Variants in MORC1 observed in about 807,000 individuals in gnomAD.
MORC1 encodes the protein MORC family CW-type zinc finger 1, also known as MORC family CW-type zinc finger protein 1.
A neutral mutation model predicts 134.9 loss-of-function variants in MORC1; 59 were observed. That is an observed-to-expected ratio of 0.44 (90% CI 0.35 to 0.54). The LOEUF (loss-of-function observed/expected upper bound fraction) is 0.54, where lower values mean the gene tolerates loss of function less well. MORC1 is among the 20% of genes least tolerant of loss of function. MORC1 has a pLI of 0.00. For synonymous variants in MORC1, 395 were observed against 391.7 expected, an observed-to-expected ratio of 1.01 and a Z score of -0.10; for missense variants, 947 against 1,134.5, an observed-to-expected ratio of 0.83 and a Z score of 2.37.
intron 17 of MORC1, among the ~76,000 whole-genome samples, 167 bp from the exon 18 acceptor site, chr3:109,007,258 GT>G (rs1242924747): frequency 1.3e-5 from 2 of 152,198 alleles, no homozygotes; most frequent in African/African-American, 2.4e-5. Context: ...CTGTAGTAAT[GT>G]TCTGATTAGT....
intron 6 of MORC1, among the ~76,000 whole-genome samples, chr3:109,095,900 T>C (rs894777755): frequency 6.6e-6 from 1 of 152,006 alleles, no homozygotes; most frequent in African/African-American, 2.4e-5. Context: ...CCACTCACAG[T>C]CTCAGAGCTT....
intron 21 of MORC1, among the ~76,000 whole-genome samples, chr3:108,998,269 C>T (rs949016068): frequency 2.6e-5 from 4 of 152,188 alleles, no homozygotes; most frequent in African/African-American, 9.7e-5. Flanking sequence ...AATGACTGAA[C>T]TGATGTTATG....
intron 10 of MORC1, among the ~76,000 whole-genome samples, chr3:109,062,409 G>A (rs1432283253): frequency 6.6e-6 from 1 of 151,342 alleles, no homozygotes; most frequent in Admixed American, 6.6e-5. Flanking sequence ...GAGTGAATAT[G>A]TAGAACATCC....
intron 17 of MORC1, among the ~76,000 whole-genome samples, chr3:109,024,487 C>A (rs1391298020): frequency 1.3e-5 from 2 of 152,048 alleles, no homozygotes; most frequent in African/African-American, 4.8e-5. Flanking sequence ...CATTAGATAC[C>A]CATAGAACCT....
intron 3 of MORC1, among the ~76,000 whole-genome samples, chr3:109,108,923 CAT>C (rs1400320626): frequency 6.6e-6 from 1 of 150,546 alleles, no homozygotes; most frequent in African/African-American, 2.4e-5. Flanking sequence ...AAAAAGACCA[CAT>C]GTCTACTTAG....
intron 8 of MORC1, among the ~76,000 whole-genome samples, chr3:109,091,723 C>T (rs918677287): frequency 1.3e-5 from 2 of 152,000 alleles, no homozygotes; most frequent in Non-Finnish European, 2.9e-5. Flanking sequence ...AGTGATTCCT[C>T]CTTATAAAAT....
intron 8 of MORC1, among the ~76,000 whole-genome samples, chr3:109,087,579 CACAA>C (rs1193613604): frequency 6.6e-6 from 1 of 151,932 alleles, no homozygotes; most frequent in Non-Finnish European, 1.5e-5. Flanking sequence ...TCAGAGAAGA[CACAA>C]ACAAATGGAA....
intron 16 of MORC1, among the ~76,000 whole-genome samples, chr3:109,029,175 G>GA (rs1428899893): frequency 6.6e-6 from 1 of 152,144 alleles, no homozygotes; most frequent in East Asian, 1.9e-4. Flanking sequence ...GTACTACTGT[G>GA]AAAAAACACT....
chr3:109,118,033 C>A lies in MORC1; in HGVS notation c.27G>T (p.Gln9His). Residue 9 changes from glutamine (Q) to histidine (H), a missense_variant, in exon 1 of 28, where the codon CAG (glutamine) becomes CAT (histidine). By Grantham distance (24) the Gln-to-His change is conservative (BLOSUM62 0). This residue lies in a region of MORC1 where 214 missense variants were observed against 281.3 expected (regional missense o/e 0.76). Coordinates refer to ENST00000232603, the MANE Select transcript of MORC1 (RefSeq NM_014429.4). ...TGAAATCCAGACGCAGCTGGGCCCG[C>A]TGAAGCGCAGGGTACCTGTCGTCCA... The part of the protein sequence containing the change: MDDRYPAL[Q>H]RAQLRLDFIH... 1.2e-6 allele frequency: 2 copies of A among 1,609,900 alleles called. No homozygotes were observed. Among genetic ancestry groups the A allele is most frequent in the Non-Finnish European group, 1.7e-6 (2 of 1,178,472 alleles).
At chr3:109,054,948 G>C in intron 13 of MORC1, 66 bp from the exon 14 acceptor site, 2 of 1,392,886 alleles carry the variant, frequency 1.4e-6, no homozygotes, top group African/African-American at 1.5e-5. Flanking sequence ...AATATATTCT[G>C]GTCATTTGAA....
intron 21 of MORC1, among the ~76,000 whole-genome samples, chr3:108,999,223 G>A (rs1279294125): frequency 6.6e-6 from 1 of 152,094 alleles, no homozygotes; most frequent in African/African-American, 2.4e-5. Context: ...TGTTAATAGT[G>A]AGGCTATTTC....
chr3:108,973,895 C>A (rs72935334), intron 24 of MORC1, among the ~76,000 whole-genome samples: 1,744 of 152,244 alleles, frequency 0.011, 35 homozygotes, highest in African/African-American at 0.038. Flanking sequence ...CGCACCCGGC[C>A]AATCCAACTA....
At chr3:109,062,555 G>C (rs1950107204) in intron 10 of MORC1, among the ~76,000 whole-genome samples, 2 of 151,574 alleles carry the variant, frequency 1.3e-5, no homozygotes, top group South Asian at 2.1e-4. Context: ...TGAGTAGCTG[G>C]GACTACAGGC....
At chr3:108,978,999 T>C (rs377197949) in intron 24 of MORC1, among the ~76,000 whole-genome samples, 12 of 152,170 alleles carry the variant, frequency 7.9e-5, no homozygotes, top group African/African-American at 2.4e-4. Context: ...AGTCTCTATT[T>C]GGAAAAACCC....
intron 26 of MORC1, among the ~76,000 whole-genome samples, chr3:108,968,825 A>G (rs1462389141): frequency 1.3e-5 from 2 of 152,158 alleles, no homozygotes; most frequent in Non-Finnish European, 2.9e-5. Context: ...ACATTTCAGT[A>G]TTGATCCTGG....
intron 21 of MORC1, among the ~76,000 whole-genome samples, chr3:108,996,712 T>C (rs1175741191): frequency 6.6e-6 from 1 of 151,774 alleles, no homozygotes; most frequent in African/African-American, 2.4e-5. Flanking sequence ...CAAACTAATA[T>C]CAAAAACAAA....
At chr3:109,059,145 C>T (rs1376544133) in intron 12 of MORC1, among the ~76,000 whole-genome samples, 1 of 151,946 alleles carries the variant, frequency 6.6e-6, no homozygotes, top group Non-Finnish European at 1.5e-5. Context: ...GCATGGTTCA[C>T]GAAAAATAAT....
At chr3:109,104,323 T>C (rs976535687) in intron 3 of MORC1, among the ~76,000 whole-genome samples, 2 of 152,138 alleles carry the variant, frequency 1.3e-5, no homozygotes, top group African/African-American at 4.8e-5. Context: ...AATTATAAAA[T>C]AAATCTAGGC....
Position 109,099,419 on chromosome 3 carries a change from T to C in MORC1, c.362A>G (p.Glu121Gly), listed in dbSNP as rs1950885686. The C allele has an allele frequency of 6.2e-7, 1 of 1,613,470 alleles. No individual in the cohort carries two copies. Among genetic ancestry groups the C allele is most frequent in the Non-Finnish European group, 8.5e-7 (1 of 1,179,812 alleles). The change falls in exon 6 of 28, where the codon GAA becomes GGA. Residue 121 changes from glutamate (E) to glycine (G), a missense_variant. Physicochemically the swap from Glu to Gly is moderately conservative, Grantham distance 98. Around this residue, in one of 3 missense-constraint regions of MORC1, gnomAD observed 214 missense variants for 281.3 expected, o/e 0.76. Transcript: ENST00000232603. ...GKDFILFTKKEETMTCVFFSQ... is the reference protein window; with the variant it reads ...GKDFILFTKKGETMTCVFFSQ... ...AAAAAACACACAGGTCATCGTTTCTTCCTTCTTCGTAAAAAGAATAAAGTC... is the reference window on the plus strand; with the variant it reads ...AAAAAACACACAGGTCATCGTTTCTCCCTTCTTCGTAAAAAGAATAAAGTC...
Sources: gnomAD v4.1 joint callset for allele counts (sites outside exome capture counted in the v4.1 genomes callset) on GRCh38, gnomAD v4.1.1 for gene constraint, gnomAD v4.1.1 regional missense constraint, MANE v1.5 for transcripts, NCBI Gene and HGNC (gene_info 2026-07-23, HGNC 2026-07-21) for gene names.